TAFA1: variants seen among roughly 807,000 people sequenced by gnomAD.
TAFA1 encodes the protein TAFA chemokine like family member 1.
A neutral mutation model predicts 18.5 loss-of-function variants in TAFA1; 4 were observed. The observed-to-expected ratio is 0.22, with a 90% CI of 0.11 to 0.49. The LOEUF (loss-of-function observed/expected upper bound fraction) is 0.49, where lower values mean the gene tolerates loss of function less well. Ranked by LOEUF, TAFA1 falls within the 20% of genes least tolerant of loss-of-function variation. The pLI is 0.98. For missense variants in TAFA1, 147 were observed against 169.0 expected (o/e 0.87, Z 0.72); for synonymous variants, 56 against 55.2 (o/e 1.01, Z -0.06).
At chr3:68,478,108 G>A (rs1007949363) in intron 3 of TAFA1, among the ~76,000 whole-genome samples, 18 of 152,186 alleles carry the variant, frequency 1.2e-4, no homozygotes, top group Non-Finnish European at 2.9e-5. Flanking sequence ...TGGAGGTATG[G>A]GCAGACGTAT....
intron 3 of TAFA1, among the ~76,000 whole-genome samples, chr3:68,451,556 T>C (rs1485856131): frequency 6.6e-6 from 1 of 152,192 alleles, no homozygotes; most frequent in Non-Finnish European, 1.5e-5. Context: ...CATATCCCCA[T>C]ATCCCTGTCA....
chr3:68,162,399 G>T (rs2065935315), intron 2 of TAFA1, among the ~76,000 whole-genome samples: 2 of 151,860 alleles, frequency 1.3e-5, no homozygotes, highest in African/African-American at 4.8e-5. Context: ...TCACAATAGG[G>T]TTCAGGCTCC....
chr3:68,439,578 A>T (rs2106862855), intron 3 of TAFA1, among the ~76,000 whole-genome samples: 1 of 151,758 alleles, frequency 6.6e-6, no homozygotes, highest in Middle Eastern at 3.4e-3. Context: ...GGCAGGAAGT[A>T]TACAGCATGG....
At chr3:68,229,079 G>C (rs1451264411) in intron 2 of TAFA1, among the ~76,000 whole-genome samples, 3 of 152,242 alleles carry the variant, frequency 2.0e-5, no homozygotes, top group African/African-American at 7.2e-5. Flanking sequence ...AAAACAGGAG[G>C]CTTCACTTTC....
chr3:68,499,907 A>G (rs1379984973), intron 3 of TAFA1, among the ~76,000 whole-genome samples: 1 of 136,228 alleles, frequency 7.3e-6, no homozygotes, highest in Non-Finnish European at 1.6e-5. Flanking sequence ...GTAGTCTTAT[A>G]TTCAAGTAAA....
intron 2 of TAFA1, among the ~76,000 whole-genome samples, chr3:68,316,586 A>G (rs1036595092): frequency 6.6e-6 from 1 of 152,148 alleles, no homozygotes; most frequent in Admixed American, 6.5e-5. Context: ...TCCAGAAAAC[A>G]TAATAAAAAC....
At chr3:68,248,940 A>G (rs879087155) in intron 2 of TAFA1, among the ~76,000 whole-genome samples, 2 of 151,924 alleles carry the variant, frequency 1.3e-5, no homozygotes, top group Non-Finnish European at 2.9e-5. Flanking sequence ...CATTTCTGTA[A>G]TTAAGGGTGT....
intron 3 of TAFA1, among the ~76,000 whole-genome samples, chr3:68,499,241 T>C (rs1250978985): frequency 6.8e-6 from 1 of 147,658 alleles, no homozygotes; most frequent in African/African-American, 2.5e-5. Flanking sequence ...GAATTTTTCA[T>C]AGAAACTCTT....
At chr3:68,498,011 A>C (rs2072580002) in intron 3 of TAFA1, among the ~76,000 whole-genome samples, 1 of 152,184 alleles carries the variant, frequency 6.6e-6, no homozygotes, top group Non-Finnish European at 1.5e-5. Flanking sequence ...AGAATAGGTG[A>C]CTTCCATTAC....
intron 2 of TAFA1, among the ~76,000 whole-genome samples, chr3:68,027,856 C>T (rs1409092711): frequency 2.6e-5 from 4 of 152,104 alleles, no homozygotes; most frequent in African/African-American, 9.7e-5. Flanking sequence ...AATTAATTCC[C>T]AAACATGAAT....
In TAFA1 at chr3:68,153,123, A is replaced by C. The variant is rs114582031; in HGVS notation, c.118+146379A>C. ...AAAATGAGTTACTCTTTTTGCTCAT[A>C]GTCAAGCTATCATTTTCCCCTAGGT... On this transcript the variant is annotated intron_variant, in intron 2 of 4. Transcript: ENST00000478136. Among the ~76,000 whole-genome samples the C allele has an allele frequency of 8.9e-3, 1,348 of 152,274 alleles. 24 individuals carry two copies. Among genetic ancestry groups the C allele is most frequent in the African/African-American group, 0.031 (1,271 of 41,562 alleles).
chr3:68,290,898 T>TA (rs199858808), intron 2 of TAFA1, among the ~76,000 whole-genome samples: 448 of 146,782 alleles, frequency 3.1e-3, no homozygotes, highest in Middle Eastern at 3.6e-3. Context: ...ATCCTTTTCT[T>TA]AAAAAAAAAA....
At chr3:68,107,485 G>T (rs1387586574) in intron 2 of TAFA1, among the ~76,000 whole-genome samples, 2 of 152,006 alleles carry the variant, frequency 1.3e-5, no homozygotes, top group Non-Finnish European at 2.9e-5. Flanking sequence ...ATATGCAAAA[G>T]CACACACTCT....
At chr3:68,038,115 T>C (rs993088844) in intron 2 of TAFA1, among the ~76,000 whole-genome samples, 5 of 152,128 alleles carry the variant, frequency 3.3e-5, no homozygotes, top group Non-Finnish European at 5.9e-5. Flanking sequence ...TTGTCTACAG[T>C]ATGTGTAGTT....
At chr3:68,052,630 C>T (rs1488875761) in intron 2 of TAFA1, among the ~76,000 whole-genome samples, 1 of 152,166 alleles carries the variant, frequency 6.6e-6, no homozygotes, top group Non-Finnish European at 1.5e-5. Flanking sequence ...ATTTGGACAT[C>T]TTCATTCACT....
At chr3:68,426,714 A>G (rs995176097) in intron 3 of TAFA1, among the ~76,000 whole-genome samples, 1 of 151,924 alleles carries the variant, frequency 6.6e-6, no homozygotes, top group African/African-American at 2.4e-5. Flanking sequence ...GTTCACCAAC[A>G]AAGAAGATGA....
intron 2 of TAFA1, among the ~76,000 whole-genome samples, chr3:68,049,167 A>G (rs1434269964): frequency 1.3e-5 from 2 of 152,046 alleles, no homozygotes; most frequent in African/African-American, 4.8e-5. Context: ...TTAATTACTC[A>G]TTTTCTCTAA....
chr3:68,224,156 T>A (rs1027853728), intron 2 of TAFA1, among the ~76,000 whole-genome samples: 6 of 152,020 alleles, frequency 3.9e-5, no homozygotes, highest in African/African-American at 1.4e-4. Flanking sequence ...TAGAAAGATT[T>A]AAATGCATGT....
chr3:68,486,884 A>G (rs1443918940), intron 3 of TAFA1, among the ~76,000 whole-genome samples: 5 of 152,204 alleles, frequency 3.3e-5, no homozygotes, highest in East Asian at 1.9e-4. Flanking sequence ...GTATCACCCT[A>G]TGTGTTATTG....
Sources: allele counts gnomAD v4.1 joint callset (sites outside exome capture counted in the v4.1 genomes callset), GRCh38; gene constraint gnomAD v4.1.1; transcripts MANE v1.5; gene names NCBI Gene and HGNC (gene_info 2026-07-23, HGNC 2026-07-21).